The following RAB21 variants were observed in gnomAD, a reference collection of about 807,000 sequenced individuals.
RAB21 encodes the protein RAB21, member RAS oncogene family.
Under a neutral mutation model 33.1 loss-of-function variants are expected in RAB21, and 13 were observed. The ratio of observed to expected loss-of-function variants is 0.39; its 90% CI spans 0.26 to 0.62. The LOEUF (loss-of-function observed/expected upper bound fraction) is 0.62. Ranked by LOEUF, RAB21 falls within the 20% of genes least tolerant of loss-of-function variation. RAB21 has a pLI of 0.48. For synonymous variants in RAB21, 91 were observed against 103.7 expected, an observed-to-expected ratio of 0.88 and a Z score of 0.74; for missense variants, 234 against 279.1, an observed-to-expected ratio of 0.84 and a Z score of 1.15.
intron 1 of RAB21, among the ~76,000 whole-genome samples, chr12:71,760,463 G>A (rs1882855896): frequency 6.6e-6 from 1 of 152,174 alleles, no homozygotes; most frequent in Non-Finnish European, 1.5e-5. Flanking sequence ...TGGAGTGAGG[G>A]AGTTACTACT....
At position 71,792,087 on chromosome 12, in the gene RAB21, G is replaced by A. The variant is rs1883394032; in HGVS notation, c.*6414G>A. ...TGGCTCTCACTTTGTTGCCCAGGCT[G>A]GTTTTTGAACTAGTTTCAAAGTGAT... On this transcript the variant is annotated 3_prime_UTR_variant, in exon 7 of 7. Transcript: ENST00000261263. The A allele has an allele frequency of 6.6e-6, 1 of 152,084 alleles. No individual in the cohort carries two copies. The highest frequency in any genetic ancestry group is 1.5e-5 in the Non-Finnish European group (1 of 68,048). 9.4% of individuals were successfully genotyped at this position (152,084 alleles called of 1,614,324 possible). A position where few individuals can be genotyped will look rare whatever the true frequency, so the allele number is the denominator to read the frequency against.
In RAB21 at chr12:71,755,189, CA is replaced by C; in HGVS notation, c.62del (p.Lys21ArgfsTer37). 1 of 1,510,476 alleles carries C rather than the reference CA, an allele frequency of 6.6e-7. No individual in the cohort carries two copies. The highest frequency in any genetic ancestry group is 8.8e-7 in the Non-Finnish European group (1 of 1,133,174). The allele number at this position is 1,510,476 out of a possible 1,614,324, so 93.6% of individuals were successfully genotyped here. On this transcript the variant is annotated frameshift_variant, in exon 1 of 7. Coordinates refer to ENST00000261263, the MANE Select transcript of RAB21 (RefSeq NM_014999.4). LOFTEE classifies it high-confidence loss of function. ...CGGCGGCGGGCCGAGCCTACTCGTT[CA>C]AGGTGGTGCTGCTGGGGGAAGGCTG... ...AAAAGRAYSF[K>X]VVLLGEGCVG...
At chr12:71,780,089 A>G (rs989861073) in intron 4 of RAB21, among the ~76,000 whole-genome samples, 2 of 152,336 alleles carry the variant, frequency 1.3e-5, no homozygotes, top group Admixed American at 6.5e-5. Context: ...TAAGATAGCT[A>G]TTTATTAATG....
intron 6 of RAB21, among the ~76,000 whole-genome samples, chr12:71,784,810 G>A (rs1263206732): frequency 3.3e-5 from 5 of 152,084 alleles, no homozygotes; most frequent in African/African-American, 1.2e-4. Context: ...ATATCGCTGT[G>A]GTCAGGGACA....
rs1565901156 is a variant in RAB21 at position 71,794,406 on chromosome 12, TA to T, written c.*8734del. On this transcript the variant is annotated 3_prime_UTR_variant, in exon 7 of 7. Coordinates refer to ENST00000261263, the MANE Select transcript of RAB21 (RefSeq NM_014999.4). ...AAACAAAACAAAACCATATATATATTATATATATATATATATATATATTTTT... is the reference window on the plus strand; with the variant it reads ...AAACAAAACAAAACCATATATATATTTATATATATATATATATATATTTTT... The T allele has an allele frequency of 8.0e-5, 2 of 24,860 alleles. No homozygotes were observed. The highest frequency in any genetic ancestry group is 1.3e-4 in the Non-Finnish European group (2 of 14,934). 1.5% of individuals were successfully genotyped at this position (24,860 alleles called of 1,614,324 possible).
rs535213102 is a variant in RAB21, at chr12:71,780,349, T to A, written c.392-1682T>A. Among the ~76,000 whole-genome samples, 24 of 152,352 alleles carry A rather than the reference T, an allele frequency of 1.6e-4. 1 individual carries two copies. Among genetic ancestry groups the A allele is most frequent in the Non-Finnish European group, 2.9e-4 (20 of 68,032 alleles). On this transcript the variant is annotated intron_variant, in intron 4 of 6. Coordinates refer to ENST00000261263, the MANE Select transcript of RAB21 (RefSeq NM_014999.4). The stretch of plus-strand genomic sequence containing the variant: ...TTGCTACTTTTAGTAGGAGACTATC[T>A]TATTTTGCCTTTGTGAGGCAGAATC...
rs1048954217 is a variant in RAB21 at position 71,790,693 on chromosome 12, A to G, written c.*5020A>G. ...CTTTTTGCTATGTATTAATATATCT[A>G]TATGTTTACATATAGAAATACATAG... On this transcript the variant is annotated 3_prime_UTR_variant, in exon 7 of 7. Transcript: ENST00000261263. 3 of 152,142 alleles carry G rather than the reference A, an allele frequency of 2.0e-5. No homozygotes were observed. Among genetic ancestry groups the G allele is most frequent in the South Asian group, 4.1e-4 (2 of 4,826 alleles). The allele number at this position is 152,142 out of a possible 1,614,324, so 9.4% of individuals were successfully genotyped here.
chr12:71,783,229 G>A (rs1042452575), intron 6 of RAB21, among the ~76,000 whole-genome samples: 2 of 151,772 alleles, frequency 1.3e-5, no homozygotes, highest in Non-Finnish European at 1.5e-5. Flanking sequence ...ATGAAATTGG[G>A]TGATGGATTT....
At chr12:71,781,949 G>A (rs1308836345) in intron 4 of RAB21, 82 bp from the exon 5 acceptor site, 5 of 1,049,672 alleles carry the variant, frequency 4.8e-6, no homozygotes, top group Admixed American at 4.3e-5. Context: ...AATTAAAATG[G>A]CAATTTTATA....
chr12:71,774,895 C>T (rs1018071465), intron 4 of RAB21, among the ~76,000 whole-genome samples: 37 of 152,088 alleles, frequency 2.4e-4, no homozygotes, highest in African/African-American at 8.7e-4. Flanking sequence ...TCAATTTGAC[C>T]TTTCTTTTTC....
In RAB21 at chr12:71,789,495, G is replaced by A. The variant is rs970987785; in HGVS notation, c.*3822G>A. 6.6e-6 allele frequency: 1 copy of A among 151,974 alleles called. No homozygotes were observed. Among genetic ancestry groups the A allele is most frequent in the Non-Finnish European group, 1.5e-5 (1 of 67,928 alleles). 9.4% of individuals were successfully genotyped at this position (151,974 alleles called of 1,614,324 possible). ...CTTGTTTGCCACTGTAGAGTTTTCA[G>A]TTTTCTCTGTAGATTCAGTGTGACA... is the stretch of plus-strand genomic sequence containing the variant. On this transcript the variant is annotated 3_prime_UTR_variant, in exon 7 of 7. Transcript: ENST00000261263.
chr12:71,768,830 T>G (rs1882998759), intron 1 of RAB21, among the ~76,000 whole-genome samples: 2 of 152,218 alleles, frequency 1.3e-5, no homozygotes, highest in African/African-American at 4.8e-5. Flanking sequence ...AATGCTTGTA[T>G]AAATACAGTC....
chr12:71,785,645 G>T lies in RAB21; in HGVS notation c.650G>T (p.Ser217Ile), dbSNP rs1372189247. The T allele has an allele frequency of 6.2e-7, 1 of 1,614,214 alleles. No homozygotes were observed. The highest frequency in any genetic ancestry group is 2.2e-5 in the East Asian group (1 of 44,876). ...GATGATGAACCTCAAGCCCAGACCA[G>T]TGGTGGAGGGTGCTGTTCTTCTGGA... ...IIDDEPQAQT[S>I]GGGCCSSG Residue 217 changes from serine to isoleucine, a missense_variant, in exon 7 of 7, where the codon AGT becomes ATT. Transcript: ENST00000261263.
intron 1 of RAB21, 79 bp downstream of exon 1, chr12:71,755,367 C>T (rs925232517): frequency 7.2e-7 from 1 of 1,389,268 alleles, no homozygotes; most frequent in South Asian, 1.5e-5. Context: ...CCGCCCTGGT[C>T]CCCTGGATGT....
At chr12:71,771,992 C>T (rs557901907) in intron 3 of RAB21, among the ~76,000 whole-genome samples, 117 of 151,244 alleles carry the variant, frequency 7.7e-4, no homozygotes, top group Middle Eastern at 3.4e-3. Flanking sequence ...AAAAAAAGAT[C>T]GAGTCATTTA....
intron 3 of RAB21, among the ~76,000 whole-genome samples, chr12:71,772,014 A>G (rs1490033536): frequency 6.6e-6 from 1 of 151,640 alleles, no homozygotes; most frequent in Non-Finnish European, 1.5e-5. Flanking sequence ...GTTGAAAGGG[A>G]CCAGTTGTCT....
intron 3 of RAB21, among the ~76,000 whole-genome samples, chr12:71,772,520 G>A (rs144390032): frequency 2.6e-4 from 40 of 152,266 alleles, no homozygotes; most frequent in Non-Finnish European, 5.1e-4. Flanking sequence ...TGGGGGTAAA[G>A]AATAGATAGA....
Position 71,790,889 on chromosome 12 carries a change from C to A in RAB21, c.*5216C>A, listed in dbSNP as rs570541042. 2.0e-5 allele frequency: 3 copies of A among 149,264 alleles called. No individual in the cohort carries two copies. The highest frequency in any genetic ancestry group is 1.3e-4 in the Admixed American group (2 of 15,016). 9.2% of individuals were successfully genotyped at this position (149,264 alleles called of 1,614,324 possible). ...TTGCCTTTTTCTTTTTTTTTTCTTT[C>A]TTTTTTTCTTTTTTAAAATAGCCTC... On this transcript the variant is annotated 3_prime_UTR_variant, in exon 7 of 7. Coordinates refer to ENST00000261263, the MANE Select transcript of RAB21 (RefSeq NM_014999.4).
intron 4 of RAB21, among the ~76,000 whole-genome samples, chr12:71,780,381 C>G (rs1402643178): frequency 6.6e-6 from 1 of 152,074 alleles, no homozygotes. Context: ...AATCTTTTTC[C>G]TGTTTGTTGG....
Sources: allele counts gnomAD v4.1 joint callset (sites outside exome capture counted in the v4.1 genomes callset), GRCh38; gene constraint gnomAD v4.1.1; transcripts MANE v1.5; gene names NCBI Gene and HGNC (gene_info 2026-07-23, HGNC 2026-07-21).